WDR7: variants seen among roughly 807,000 people sequenced by gnomAD.
WDR7 encodes WD repeat domain 7, also known as WD repeat-containing protein 7.
A neutral mutation model predicts 169.4 loss-of-function variants in WDR7; 46 were observed. The observed-to-expected ratio is 0.27, with a 90% CI of 0.21 to 0.35. WDR7 has a LOEUF of 0.35. Ranked by LOEUF, WDR7 falls within the 10% of genes least tolerant of loss-of-function variation. The probability of loss-of-function intolerance (pLI) is 1.00; values close to 1 mark genes in which losing one functional copy is unlikely to be tolerated. For synonymous variants in WDR7, 612 were observed against 666.8 expected, an observed-to-expected ratio of 0.92 and a Z score of 1.27; for missense variants, 1,534 against 1,859.3, an observed-to-expected ratio of 0.83 and a Z score of 3.22.
At chr18:56,735,979 C>T (rs1282072458) in intron 14 of WDR7, among the ~76,000 whole-genome samples, 1 of 152,100 alleles carries the variant, frequency 6.6e-6, no homozygotes, top group East Asian at 1.9e-4. Flanking sequence ...GGTGGAATGG[C>T]TTTTGCTTTA....
At chr18:56,836,700 T>C (rs1268614629) in intron 20 of WDR7, among the ~76,000 whole-genome samples, 9 of 152,236 alleles carry the variant, frequency 5.9e-5, no homozygotes, top group Admixed American at 2.6e-4. Context: ...AGGATGATTT[T>C]ATTTTACTTG....
At chr18:56,762,849 G>T (rs572570066) in intron 16 of WDR7, among the ~76,000 whole-genome samples, 3 of 149,522 alleles carry the variant, frequency 2.0e-5, no homozygotes, top group Non-Finnish European at 4.4e-5. Flanking sequence ...CCATTTTGGC[G>T]AAATGCCTAT....
chr18:56,666,955 TAAAAGC>T (rs1321681726), intron 1 of WDR7, among the ~76,000 whole-genome samples: 2 of 149,608 alleles, frequency 1.3e-5, no homozygotes, highest in African/African-American at 4.9e-5. Context: ...ATATAAAAAA[TAAAAGC>T]AAAACAGCAG....
intron 1 of WDR7, among the ~76,000 whole-genome samples, chr18:56,668,201 G>A (rs2025061846): frequency 6.6e-6 from 1 of 152,132 alleles, no homozygotes; most frequent in Admixed American, 6.6e-5. Context: ...GTCTTACCAA[G>A]AAGCCCCTTG....
At chr18:56,823,553 T>A (rs888996212) in intron 20 of WDR7, among the ~76,000 whole-genome samples, 2 of 152,080 alleles carry the variant, frequency 1.3e-5, no homozygotes, top group African/African-American at 4.8e-5. Flanking sequence ...ATCCCTGCGC[T>A]CCAGCCTGGG....
chr18:56,730,791 T>C (rs1402408617), intron 13 of WDR7, among the ~76,000 whole-genome samples: 1 of 151,678 alleles, frequency 6.6e-6, no homozygotes, highest in East Asian at 1.9e-4. Flanking sequence ...AAAAAATAAA[T>C]AAATAAATAA....
At chr18:56,729,024 A>G (rs897813641) in intron 13 of WDR7, among the ~76,000 whole-genome samples, 4 of 152,170 alleles carry the variant, frequency 2.6e-5, no homozygotes, top group Admixed American at 6.5e-5. Context: ...AGGAAGTATA[A>G]ACTTTAGACA....
intron 19 of WDR7, among the ~76,000 whole-genome samples, chr18:56,807,353 T>A (rs1358586566): frequency 1.3e-5 from 2 of 152,176 alleles, no homozygotes; most frequent in Non-Finnish European, 2.9e-5. Flanking sequence ...ATTTATAGGT[T>A]GAACAACATA....
At chr18:57,033,939 A>G (rs1380865887), downstream of WDR7, 1 of 152,176 alleles carries the variant, frequency 6.6e-6, no homozygotes, top group Non-Finnish European at 1.5e-5. Context: ...ACTTGAGGTC[A>G]GGAGTTCAAG....
intron 19 of WDR7, among the ~76,000 whole-genome samples, chr18:56,802,304 A>G (rs528986014): frequency 2.7e-5 from 4 of 148,834 alleles, no homozygotes; most frequent in East Asian, 3.9e-4. Context: ...TTCTTACCAT[A>G]GTTAGAATTT....
intron 16 of WDR7, among the ~76,000 whole-genome samples, chr18:56,760,066 C>G (rs2043958500): frequency 6.6e-6 from 1 of 152,094 alleles, no homozygotes; most frequent in African/African-American, 2.4e-5. Context: ...GTTATAAGAT[C>G]ATTATGTAAT....
At chr18:56,787,951 G>T (rs751637084) in intron 19 of WDR7, among the ~76,000 whole-genome samples, 2 of 152,204 alleles carry the variant, frequency 1.3e-5, no homozygotes, top group Non-Finnish European at 2.9e-5. Flanking sequence ...GAGAGAGTTT[G>T]ATAAACATGG....
intron 20 of WDR7, among the ~76,000 whole-genome samples, chr18:56,849,464 T>G (rs575559940): frequency 6.6e-6 from 1 of 152,334 alleles, no homozygotes; most frequent in African/African-American, 2.4e-5. Flanking sequence ...GTCCAACCAC[T>G]TGTGATTACT....
intron 21 of WDR7, 133 bp downstream of exon 21, chr18:56,880,298 C>A: frequency 1.3e-6 from 1 of 792,346 alleles, no homozygotes; most frequent in South Asian, 1.9e-5. Flanking sequence ...GAAAGCAGTA[C>A]AATCTGGCAC....
chr18:56,791,459 C>T (rs35227031), intron 19 of WDR7, among the ~76,000 whole-genome samples: 3,928 of 151,960 alleles, frequency 0.026, 52 homozygotes, highest in Middle Eastern at 0.044. Context: ...TTTCTTTACC[C>T]CCTTCTAGCA....
At chr18:56,661,706 C>T (rs2024907499) in intron 1 of WDR7, among the ~76,000 whole-genome samples, 1 of 152,138 alleles carries the variant, frequency 6.6e-6, no homozygotes, top group Non-Finnish European at 1.5e-5. Flanking sequence ...AAGGTTGTGT[C>T]CCTTACAGCC....
rs192373889 is a variant in WDR7, at chr18:56,799,805, A to G, written c.3191-16226A>G. On this transcript the variant is annotated intron_variant, in intron 19 of 27. Transcript: ENST00000254442. The stretch of plus-strand genomic sequence containing the variant: ...ATATGATTCTCATGACACCAAGTGG[A>G]TAGGGATTATTCATTTAACCTCCTT... 1.7e-4 allele frequency among the ~76,000 whole-genome samples: 25 copies of G among 149,872 alleles called. No homozygotes were observed. In the East Asian group the frequency reaches 4.3e-3, roughly 26 times the overall value.
chr18:56,883,233 A>G (rs1002433326), intron 21 of WDR7, among the ~76,000 whole-genome samples: 4 of 148,426 alleles, frequency 2.7e-5, no homozygotes, highest in Admixed American at 2.7e-4. Flanking sequence ...AAAAAAAAGC[A>G]GGAAGGTGGT....
At chr18:56,812,311 GT>G (rs2044883384) in intron 19 of WDR7, among the ~76,000 whole-genome samples, 2 of 152,114 alleles carry the variant, frequency 1.3e-5, no homozygotes, top group African/African-American at 4.8e-5. Flanking sequence ...TGTTTTCCAT[GT>G]TTTTTTCTTA....
Sources: allele counts gnomAD v4.1 joint callset (sites outside exome capture counted in the v4.1 genomes callset), GRCh38; gene constraint gnomAD v4.1.1; transcripts MANE v1.5; gene names NCBI Gene and HGNC (gene_info 2026-07-23, HGNC 2026-07-21).